SOX5: variants seen among roughly 807,000 people sequenced by gnomAD.
The protein encoded by SOX5 is SRY-box transcription factor 5.
Under a neutral mutation model 92.0 loss-of-function variants are expected in SOX5, and 9 were observed. That is an observed-to-expected ratio of 0.10 (90% CI 0.06 to 0.17). SOX5 has a LOEUF of 0.17. SOX5 is among the 10% of genes least tolerant of loss of function. The probability of loss-of-function intolerance (pLI) is 1.00; values close to 1 mark genes in which losing one functional copy is unlikely to be tolerated. For synonymous variants in SOX5, 344 were observed against 336.3 expected (o/e 1.02, Z -0.25); for missense variants, 642 against 944.5 (o/e 0.68, Z 4.20).
chr12:24,073,980 G>C (rs942252731), intron 4 of SOX5, among the ~76,000 whole-genome samples: 5 of 151,900 alleles, frequency 3.3e-5, no homozygotes, highest in African/African-American at 4.8e-5. Flanking sequence ...ATTACTTCTT[G>C]ATAGATTCTC....
intron 4 of SOX5, among the ~76,000 whole-genome samples, chr12:24,176,700 G>A (rs982223826): frequency 6.6e-6 from 1 of 152,172 alleles, no homozygotes; most frequent in African/African-American, 2.4e-5. Context: ...GTCTGCTCCT[G>A]TTCCTGGTAT....
chr12:24,455,558 C>T (rs999893848), intron 1 of SOX5, among the ~76,000 whole-genome samples: 1 of 152,170 alleles, frequency 6.6e-6, no homozygotes, highest in South Asian at 2.1e-4. Flanking sequence ...ATTAATTTCA[C>T]TTTGGAGAAT....
chr12:23,908,260 C>CT (rs1344003652), intron 1 of SOX5, among the ~76,000 whole-genome samples: 6 of 152,020 alleles, frequency 3.9e-5, no homozygotes, highest in Admixed American at 2.6e-4. Flanking sequence ...CCAGAGAATG[C>CT]TTCCCCCCAG....
chr12:23,763,209 A>G (rs1384205211), intron 3 of SOX5, among the ~76,000 whole-genome samples: 2 of 152,220 alleles, frequency 1.3e-5, no homozygotes, highest in Non-Finnish European at 2.9e-5. Flanking sequence ...AGAGGCTAAT[A>G]ACTGCACTTA....
intron 4 of SOX5, among the ~76,000 whole-genome samples, chr12:24,096,662 A>G (rs1945450570): frequency 6.6e-6 from 1 of 152,212 alleles, no homozygotes; most frequent in African/African-American, 2.4e-5. Context: ...ATAATATTAC[A>G]TTGTATATTA....
At chr12:23,831,614 T>G (rs1327160507) in intron 3 of SOX5, among the ~76,000 whole-genome samples, 1 of 152,090 alleles carries the variant, frequency 6.6e-6, no homozygotes, top group Non-Finnish European at 1.5e-5. Flanking sequence ...AGAAGAGAAC[T>G]CTTTTTTTAA....
rs754115052 is a variant in SOX5 at position 23,598,590 on chromosome 12, G to C, written c.1164+5797C>G. On this transcript the variant is annotated intron_variant, in intron 9 of 14. Coordinates refer to ENST00000451604, the MANE Select transcript of SOX5 (RefSeq NM_006940.6). Reference sequence around the variant, plus strand: ...ATTTTTTGTATTTTTTAGTAGAGATGGGGTTTCACCATGTTATCCAGGAAG... The same window carrying C: ...ATTTTTTGTATTTTTTAGTAGAGATCGGGTTTCACCATGTTATCCAGGAAG... 3.3e-5 allele frequency among the ~76,000 whole-genome samples: 5 copies of C among 151,536 alleles called. No individual in the cohort carries two copies. In the East Asian group the frequency reaches 9.8e-4, roughly 30 times the overall value.
intron 2 of SOX5, among the ~76,000 whole-genome samples, chr12:24,365,110 C>T (rs11047398): frequency 1.3e-5 from 2 of 151,862 alleles, no homozygotes; most frequent in Non-Finnish European, 1.5e-5. Flanking sequence ...TCATTCATGA[C>T]GAACAGTGCT....
At chr12:23,935,945 G>A (rs1304439818) in intron 1 of SOX5, among the ~76,000 whole-genome samples, 1 of 151,002 alleles carries the variant, frequency 6.6e-6, no homozygotes, top group Non-Finnish European at 1.5e-5. Flanking sequence ...GTCCGAGTTT[G>A]TACCCCAGCT....
intron 2 of SOX5, among the ~76,000 whole-genome samples, chr12:24,333,904 A>G (rs7138831): frequency 0.13 from 19,471 of 151,192 alleles, 1,646 homozygotes; most frequent in Non-Finnish European, 0.19. Context: ...AGATTTATTA[A>G]GAAGCTATAT....
chr12:24,082,739 A>T (rs1322620323), intron 4 of SOX5, among the ~76,000 whole-genome samples: 1 of 151,776 alleles, frequency 6.6e-6, no homozygotes, highest in Admixed American at 6.6e-5. Flanking sequence ...ATACTGTTTG[A>T]TCTTTTTTTT....
At chr12:23,960,771 G>A (rs1354499356) in intron 4 of SOX5, among the ~76,000 whole-genome samples, 1 of 151,736 alleles carries the variant, frequency 6.6e-6, no homozygotes, top group African/African-American at 2.4e-5. Context: ...GTAAAAATTA[G>A]ACATCAAATT....
intron 1 of SOX5, among the ~76,000 whole-genome samples, chr12:24,480,033 T>C (rs571737333): frequency 1.3e-5 from 2 of 152,302 alleles, no homozygotes; most frequent in South Asian, 4.1e-4. Context: ...TAGGCAAATT[T>C]CTAAGAACCT....
chr12:24,165,910 A>C (rs979888877), intron 4 of SOX5, among the ~76,000 whole-genome samples: 1 of 152,158 alleles, frequency 6.6e-6, no homozygotes, highest in Non-Finnish European at 1.5e-5. Context: ...ATAGATATAT[A>C]TATGAAATAT....
intron 3 of SOX5, among the ~76,000 whole-genome samples, chr12:24,224,958 T>A (rs917025491): frequency 2.6e-5 from 4 of 152,188 alleles, no homozygotes; most frequent in African/African-American, 9.6e-5. Context: ...CATTCTCCCA[T>A]CTTCTAGTTT....
chr12:24,463,655 G>T (rs571659301), intron 1 of SOX5, among the ~76,000 whole-genome samples: 2 of 152,264 alleles, frequency 1.3e-5, no homozygotes, highest in Admixed American at 1.3e-4. Flanking sequence ...ATTGGTGAAC[G>T]GCAAAATGCC....
intron 2 of SOX5, among the ~76,000 whole-genome samples, chr12:24,298,614 T>C (rs1326846364): frequency 6.6e-6 from 1 of 152,118 alleles, no homozygotes; most frequent in East Asian, 1.9e-4. Context: ...TATGTACTAA[T>C]AGAACAGTTT....
At chr12:23,837,098 C>G (rs531166332) in intron 3 of SOX5, among the ~76,000 whole-genome samples, 62 of 148,964 alleles carry the variant, frequency 4.2e-4, no homozygotes, top group African/African-American at 1.4e-3. Flanking sequence ...TGACTATTCT[C>G]AGGTCAAATC....
At chr12:24,328,565 C>G (rs1950960072) in intron 2 of SOX5, among the ~76,000 whole-genome samples, 1 of 152,162 alleles carries the variant, frequency 6.6e-6, no homozygotes, top group South Asian at 2.1e-4. Context: ...TGATATTTCT[C>G]TACCTCCACA....
Sources: gnomAD v4.1 joint callset for allele counts (sites outside exome capture counted in the v4.1 genomes callset) on GRCh38, gnomAD v4.1.1 for gene constraint, MANE v1.5 for transcripts, NCBI Gene and HGNC (gene_info 2026-07-23, HGNC 2026-07-21) for gene names.